Variants in MAPK8 observed in about 807,000 individuals in gnomAD.
MAPK8 encodes the protein JUN N-terminal kinase.
Under a neutral mutation model 52.9 loss-of-function variants are expected in MAPK8, and 13 were observed. The observed-to-expected ratio is 0.25, with a 90% CI of 0.16 to 0.39. MAPK8 has a LOEUF of 0.39. Ranked by LOEUF, MAPK8 falls within the 10% of genes least tolerant of loss-of-function variation. The pLI is 1.00. For synonymous variants in MAPK8, 191 were observed against 169.8 expected (o/e 1.12, Z -0.97); for missense variants, 300 against 519.2 (o/e 0.58, Z 4.10).
chr10:48,342,650 GA>G (rs2132350381), intron 1 of MAPK8, among the ~76,000 whole-genome samples: 1 of 152,304 alleles, frequency 6.6e-6, no homozygotes, highest in South Asian at 2.1e-4. Context: ...GATTTAGAGG[GA>G]AACAGTATAA....
At chr10:48,367,977 AC>A (rs1848215496) in intron 1 of MAPK8, among the ~76,000 whole-genome samples, 1 of 152,198 alleles carries the variant, frequency 6.6e-6, no homozygotes, top group African/African-American at 2.4e-5. Context: ...ATATTACAAT[AC>A]CTACTTGCTA....
intron 1 of MAPK8, among the ~76,000 whole-genome samples, chr10:48,348,568 G>T (rs948894394): frequency 6.6e-6 from 1 of 152,126 alleles, no homozygotes; most frequent in African/African-American, 2.4e-5. Context: ...TTTGTATAAG[G>T]TGTAAGGAAG....
chr10:48,427,523 G>A (rs938282539), intron 10 of MAPK8: 3 of 158,532 alleles, frequency 1.9e-5, no homozygotes, highest in Admixed American at 6.2e-5. Flanking sequence ...TTGGAGTCTC[G>A]CTCTGTCACC....
chr10:48,336,081 T>A (rs1036399911), intron 1 of MAPK8, among the ~76,000 whole-genome samples: 4 of 152,122 alleles, frequency 2.6e-5, no homozygotes, highest in African/African-American at 4.8e-5. Context: ...TCCATCTGTA[T>A]CAGGTATTTG....
chr10:48,375,035 C>A (rs528350723), intron 1 of MAPK8, among the ~76,000 whole-genome samples: 5 of 152,060 alleles, frequency 3.3e-5, no homozygotes, highest in African/African-American at 1.2e-4. Flanking sequence ...AAAAGCTTAT[C>A]CACCATGATC....
chr10:48,367,449 A>G (rs1178785792), intron 1 of MAPK8, among the ~76,000 whole-genome samples: 1 of 151,662 alleles, frequency 6.6e-6, no homozygotes, highest in Admixed American at 6.6e-5. Flanking sequence ...TTAATTGTTT[A>G]AAGGATGTCA....
At chr10:48,420,026 A>C in intron 5 of MAPK8, 129 bp from the exon 6 acceptor site, 1 of 631,358 alleles carries the variant, frequency 1.6e-6, no homozygotes, top group Non-Finnish European at 2.6e-6. Flanking sequence ...GAATCAGTGC[A>C]GTAATATTAC....
At chr10:48,419,842 G>GT (rs2043255727) in intron 5 of MAPK8, among the ~76,000 whole-genome samples, 1 of 152,116 alleles carries the variant, frequency 6.6e-6, no homozygotes, top group South Asian at 2.1e-4. Context: ...TACTATAGTA[G>GT]TTTTTTTATG....
chr10:48,331,199 A>T (rs922910502), intron 1 of MAPK8, among the ~76,000 whole-genome samples: 6 of 152,258 alleles, frequency 3.9e-5, no homozygotes, highest in African/African-American at 1.4e-4. Flanking sequence ...GGGCAAAGGT[A>T]CTTATCTGCC....
intron 10 of MAPK8, among the ~76,000 whole-genome samples, chr10:48,427,982 A>T (rs953577000): frequency 6.6e-6 from 1 of 152,192 alleles, no homozygotes; most frequent in Non-Finnish European, 1.5e-5. Flanking sequence ...ACATATGAGA[A>T]CATGCCTGGA....
intron 7 of MAPK8, chr10:48,425,458 A>G: frequency 2.4e-6 from 1 of 418,212 alleles, no homozygotes; most frequent in Non-Finnish European, 4.2e-6. Context: ...AAACTCAGTA[A>G]AACAGGATGT....
At chr10:48,395,548 A>G (rs552000965) in intron 1 of MAPK8, among the ~76,000 whole-genome samples, 1 of 152,118 alleles carries the variant, frequency 6.6e-6, no homozygotes, top group African/African-American at 2.4e-5. Flanking sequence ...GCTGTACATC[A>G]TCCAAATTAA....
At chr10:48,369,921 A>T (rs1848397461) in intron 1 of MAPK8, among the ~76,000 whole-genome samples, 1 of 152,162 alleles carries the variant, frequency 6.6e-6, no homozygotes, top group East Asian at 1.9e-4. Context: ...GGGAAACAGG[A>T]TTGAGGACTC....
intron 5 of MAPK8, among the ~76,000 whole-genome samples, chr10:48,411,464 A>G (rs542008890): frequency 6.6e-6 from 1 of 152,218 alleles, no homozygotes; most frequent in African/African-American, 2.4e-5. Context: ...TCTGTTTCAC[A>G]TAGCTCCTAT....
At chr10:48,404,524 G>A (rs750725150) in intron 2 of MAPK8, among the ~76,000 whole-genome samples, 6 of 152,082 alleles carry the variant, frequency 3.9e-5, no homozygotes, top group African/African-American at 9.7e-5. Context: ...TAGGCTTTAG[G>A]CTATCTAGTG....
chr10:48,391,609 A>G (rs1378620044), intron 1 of MAPK8, among the ~76,000 whole-genome samples: 1 of 152,102 alleles, frequency 6.6e-6, no homozygotes, highest in African/African-American at 2.4e-5. Flanking sequence ...GCATAGGGGG[A>G]GTTCCCCACA....
chr10:48,360,543 A>G (rs1470230593), intron 1 of MAPK8, among the ~76,000 whole-genome samples: 1 of 152,162 alleles, frequency 6.6e-6, no homozygotes, highest in African/African-American at 2.4e-5. Flanking sequence ...ATAGCCTAAA[A>G]TTGGAAACAG....
At chr10:48,395,171 T>C (rs934650850) in intron 1 of MAPK8, among the ~76,000 whole-genome samples, 2 of 152,096 alleles carry the variant, frequency 1.3e-5, no homozygotes, top group Non-Finnish European at 2.9e-5. Flanking sequence ...GTTCTGATAT[T>C]TATATAAAAA....
intron 1 of MAPK8, chr10:48,307,246 GA>G (rs1342881700): frequency 6.6e-6 from 1 of 152,372 alleles, no homozygotes; most frequent in East Asian, 1.9e-4. Context: ...GGGAGCCGGG[GA>G]GAGCGCTTCT....
Sources: gnomAD v4.1 joint callset for allele counts (sites outside exome capture counted in the v4.1 genomes callset) on GRCh38, gnomAD v4.1.1 for gene constraint, MANE v1.5 for transcripts, NCBI Gene and HGNC (gene_info 2026-07-23, HGNC 2026-07-21) for gene names.